PSD: variants seen among roughly 807,000 people sequenced by gnomAD.
PSD encodes the protein pleckstrin and Sec7 domain containing.
A neutral mutation model predicts 91.6 loss-of-function variants in PSD; 32 were observed. The ratio of observed to expected loss-of-function variants is 0.35; its 90% CI spans 0.26 to 0.47. PSD has a LOEUF of 0.47. PSD is among the 20% of genes least tolerant of loss of function. The probability of loss-of-function intolerance (pLI) is 1.00; values close to 1 mark genes in which losing one functional copy is unlikely to be tolerated. For synonymous variants in PSD, 532 were observed against 569.3 expected (o/e 0.93, Z 0.93); for missense variants, 1,099 against 1,373.9 (o/e 0.80, Z 3.16).
chr10:102,416,728 C>T lies in PSD; in HGVS notation c.311G>A (p.Arg104His), dbSNP rs775244441. Residue 104 changes from arginine to histidine, a missense_variant, in exon 2 of 17, where the codon CGC becomes CAC. Arg to His is a conservative substitution (Grantham distance 29). Around this residue, in one of 3 missense-constraint regions of PSD, gnomAD observed 631 missense variants for 728.8 expected, o/e 0.87. Transcript: ENST00000020673. The surrounding 1 kb of genome is among the most constrained non-coding windows in gnomAD (Gnocchi z 6.0). ...CCTCACACTGGCCTTCTCCACAAAGCGGAAGATGACCACAGAGCTCTGGGC... is the reference window on the plus strand; with the variant it reads ...CCTCACACTGGCCTTCTCCACAAAGTGGAAGATGACCACAGAGCTCTGGGC... ...PGAQSSVVIF[R>H]FVEKASVRPL... The T allele has an allele frequency of 1.6e-5, 25 of 1,593,912 alleles. No homozygotes were observed. Among genetic ancestry groups the T allele is most frequent in the African/African-American group, 4.0e-5 (3 of 74,540 alleles).
intron 1 of PSD, among the ~76,000 whole-genome samples, 194 bp from the exon 2 acceptor site, chr10:102,417,315 C>T (rs2061492748): frequency 6.6e-6 from 1 of 152,078 alleles, no homozygotes. Flanking sequence ...CTTATACACC[C>T]AGTGGGCCCC....
chr10:102,408,985 G>T, intron 10 of PSD: 1 of 987,386 alleles, frequency 1.0e-6, no homozygotes, highest in South Asian at 4.7e-5. Context: ...GCGGCCAGCC[G>T]TAGCACAGGG....
chr10:102,404,547 A>G lies in PSD; in HGVS notation c.2700+36T>C, dbSNP rs750565268. ...AGTGGGCCTGAGCCTAACACCCTCC[A>G]TCCCACTGGCACTAGGTGGACAGAG... is the stretch of plus-strand genomic sequence containing the variant. On this transcript the variant is annotated intron_variant, in intron 15 of 16. Transcript: ENST00000020673. This position sits in a 1 kb window ranked among gnomAD's most constrained non-coding sequence, Gnocchi z 5.7. 2 of 1,601,768 alleles carry G rather than the reference A, an allele frequency of 1.2e-6. No individual in the cohort carries two copies. Among genetic ancestry groups the G allele is most frequent in the East Asian group, 2.2e-5 (1 of 44,812 alleles).
Position 102,403,790 on chromosome 10 carries a change from AC to A in PSD, c.2844+51del. 1.9e-6 allele frequency: 3 copies of A among 1,563,042 alleles called. No homozygotes were observed. Among genetic ancestry groups the A allele is most frequent in the Non-Finnish European group, 2.6e-6 (3 of 1,149,724 alleles). ...TCCACTGTTAGAGTTCATGCCCTTCACCCTAGTATGGGCCTGCGTGTGTGGA... is the reference window on the plus strand; with the variant it reads ...TCCACTGTTAGAGTTCATGCCCTTCACCTAGTATGGGCCTGCGTGTGTGGA... On this transcript the variant is annotated intron_variant, in intron 16 of 16. Coordinates refer to ENST00000020673, the MANE Select transcript of PSD (RefSeq NM_002779.5). This position sits in a 1 kb window ranked among gnomAD's most constrained non-coding sequence, Gnocchi z 6.7.
In PSD at chr10:102,415,221, G is replaced by C; in HGVS notation, c.766C>G (p.Pro256Ala). 3 of 1,608,332 alleles carry C rather than the reference G, an allele frequency of 1.9e-6. No individual in the cohort carries two copies. Among genetic ancestry groups the C allele is most frequent in the Non-Finnish European group, 8.5e-7 (1 of 1,177,168 alleles). The change falls in exon 4 of 17, where the codon CCC becomes GCC. Residue 256 changes from proline to alanine, a missense_variant. Around this residue, in one of 3 missense-constraint regions of PSD, gnomAD observed 631 missense variants for 728.8 expected, o/e 0.87. Coordinates refer to ENST00000020673, the MANE Select transcript of PSD (RefSeq NM_002779.5). ...GGAGATGGGGGGGCCTGCTCTGGGG[G>C]CTTAGCACCTGTAGTGTGCATAGGC... The part of the protein sequence containing the change: ...SLDPPSSGAK[P>A]PEQAPPSPPG...
At position 102,404,635 on chromosome 10, in the gene PSD, T is replaced by C; in HGVS notation, c.2648A>G (p.Gln883Arg). The C allele has an allele frequency of 6.2e-7, 1 of 1,612,300 alleles. No homozygotes were observed. Among genetic ancestry groups the C allele is most frequent in the Non-Finnish European group, 8.5e-7 (1 of 1,179,118 alleles). ...CAGGAGAGGGCGGCTGAACTTCTTT[T>C]GGGAGCTAACAGCAGCTGGGAAGGG... ...APPFPAAVSS[Q>R]KKFSRPLLPS... The change falls in exon 15 of 17, where the codon CAA becomes CGA. Residue 883 changes from glutamine (Q) to arginine (R), a missense_variant. Around this residue, in one of 3 missense-constraint regions of PSD, gnomAD observed 358 missense variants for 426.5 expected, o/e 0.84. Coordinates refer to ENST00000020673, the MANE Select transcript of PSD (RefSeq NM_002779.5). This position sits in a 1 kb window ranked among gnomAD's most constrained non-coding sequence, Gnocchi z 5.7.
upstream of PSD, chr10:102,418,974 G>A (rs1335808602): frequency 2.9e-6 from 1 of 343,544 alleles, no homozygotes; most frequent in Non-Finnish European, 5.8e-6. Flanking sequence ...GGAGGAGGGC[G>A]CATGGAACCC....
At chr10:102,418,918 G>T (rs2061521727), upstream of PSD, 1 of 349,502 alleles carries the variant, frequency 2.9e-6, no homozygotes, top group African/African-American at 2.3e-5. Context: ...CTTGTCGCTA[G>T]GTCCCCGCTG....
Position 102,409,405 on chromosome 10 carries a change from C to G in PSD, c.2091+1453G>C. 2.1e-6 allele frequency: 2 copies of G among 964,550 alleles called. No individual in the cohort carries two copies. Among genetic ancestry groups the G allele is most frequent in the Non-Finnish European group, 2.5e-6 (2 of 810,836 alleles). 59.7% of individuals were successfully genotyped at this position (964,550 alleles called of 1,614,324 possible). ...CTCCCCGCGCGGCCACGGGGAGGAG[C>G]CTGGGGAGGCCAGCGTGGGTGGCAG... On this transcript the variant is annotated intron_variant, in intron 10 of 16. Transcript: ENST00000020673. This position sits in a 1 kb window ranked among gnomAD's most constrained non-coding sequence, Gnocchi z 5.7.
intron 5 of PSD, 107 bp downstream of exon 5, chr10:102,413,660 CAG>C: frequency 1.7e-6 from 2 of 1,147,710 alleles, no homozygotes; most frequent in Non-Finnish European, 2.5e-6. Context: ...CACCCCTACT[CAG>C]GGGTCAGGAA....
rs963608152 is a variant in PSD at position 102,414,286 on chromosome 10, G to A, written c.1125-89C>T. 1.3e-5 allele frequency: 16 copies of A among 1,250,994 alleles called. No homozygotes were observed. Among genetic ancestry groups the A allele is most frequent in the Middle Eastern group, 2.5e-4 (1 of 4,042 alleles). 77.5% of individuals were successfully genotyped at this position (1,250,994 alleles called of 1,614,324 possible). On this transcript the variant is annotated intron_variant, in intron 4 of 16. Coordinates refer to ENST00000020673, the MANE Select transcript of PSD (RefSeq NM_002779.5). This position sits in a 1 kb window ranked among gnomAD's most constrained non-coding sequence, Gnocchi z 5.6. ...TGAACTCTCACACTGACTCTGCTAA[G>A]GGGATTATCATCCCCTTTTCACTGG...
Position 102,418,625 on chromosome 10 carries a change from G to A in PSD, c.-84+76C>T, listed in dbSNP as rs1282602473. 9.1e-6 allele frequency: 4 copies of A among 439,738 alleles called. No homozygotes were observed. In the Admixed American group the frequency reaches 9.6e-5, roughly 11 times the overall value. The allele number at this position is 439,738 out of a possible 1,614,324, so 27.2% of individuals were successfully genotyped here. ...GAGGTCAGGAGTAGCAACCCTGCCA[G>A]GCAGGTTCCGGAAGCTCAACGGGGT... On this transcript the variant is annotated intron_variant, in intron 1 of 16. Coordinates refer to ENST00000020673, the MANE Select transcript of PSD (RefSeq NM_002779.5).
rs773754544 is a variant in PSD at position 102,414,026 on chromosome 10, A to C, written c.1296T>G (p.Pro432=). 9 of 1,614,010 alleles carry C rather than the reference A, an allele frequency of 5.6e-6. No homozygotes were observed. The South Asian group carries it at 8.8e-5, about 16-fold the overall frequency. ...SLASLEALAS[P]GPTQSPFFTF... is the part of the protein sequence containing the mutation. ...TGAAGAAGGGGCTCTGGGTTGGGCC[A>C]GGTGAGGCCAAGGCCTCCAGCGAGG... Residue 432 remains proline, a synonymous_variant, in exon 5 of 17, where the codon CCT becomes CCG. Coordinates refer to ENST00000020673, the MANE Select transcript of PSD (RefSeq NM_002779.5). This position sits in a 1 kb window ranked among gnomAD's most constrained non-coding sequence, Gnocchi z 5.6.
In PSD at chr10:102,416,230, T is replaced by A. The variant is rs2061479017; in HGVS notation, c.655-111A>T. ...AACATGCATCGACAGAGATGGAGGT[T>A]CAGAGACACAGAGACAAACACAGAG... On this transcript the variant is annotated intron_variant, in intron 2 of 16. Transcript: ENST00000020673. The surrounding 1 kb of genome is among the most constrained non-coding windows in gnomAD (Gnocchi z 6.0). 5.2e-5 allele frequency: 63 copies of A among 1,210,980 alleles called. No homozygotes were observed. Among genetic ancestry groups the A allele is most frequent in the Non-Finnish European group, 7.0e-5 (60 of 854,074 alleles). 75.0% of individuals were successfully genotyped at this position (1,210,980 alleles called of 1,614,324 possible). A position where few individuals can be genotyped will look rare whatever the true frequency, so the allele number is the denominator to read the frequency against.
intron 8 of PSD, 110 bp downstream of exon 8, chr10:102,411,597 C>T: frequency 1.2e-6 from 1 of 809,282 alleles, no homozygotes; most frequent in Non-Finnish European, 2.1e-6. Flanking sequence ...CACGCATGTA[C>T]ATCCATTCCC....
rs746608802 is a variant in PSD, at chr10:102,404,621, G to A, written c.2662C>T (p.Arg888Cys). The part of the protein sequence containing the change: ...AAVSSQKKFS[R>C]PLLPSAATRL... ...GTGGCAGCGCTGGGCAGGAGAGGGC[G>A]GCTGAACTTCTTTTGGGAGCTAACA... The change falls in exon 15 of 17, where the codon CGC (arginine) becomes TGC (cysteine). Residue 888 changes from arginine (R) to cysteine (C), a missense_variant. Transcript: ENST00000020673. This position sits in a 1 kb window ranked among gnomAD's most constrained non-coding sequence, Gnocchi z 5.7. The A allele has an allele frequency of 1.5e-5, 24 of 1,612,070 alleles. No homozygotes were observed. Among genetic ancestry groups the A allele is most frequent in the East Asian group, 2.2e-5 (1 of 44,882 alleles).
chr10:102,416,477 G>T lies in PSD; in HGVS notation c.562C>A (p.Leu188Ile). ...AGCCCATTGGGGAGAGAGGAGTAAA[G>T]GCCATCTGCTCCAACCTGGGGTGGG... ...PAPPQVGADG[L>I]YSSLPNGLGG... The change falls in exon 2 of 17, where the codon CTT (leucine) becomes ATT (isoleucine). Residue 188 changes from leucine to isoleucine, a missense_variant. Around this residue, in one of 3 missense-constraint regions of PSD, gnomAD observed 631 missense variants for 728.8 expected, o/e 0.87. Transcript: ENST00000020673. This position sits in a 1 kb window ranked among gnomAD's most constrained non-coding sequence, Gnocchi z 6.0. 1 of 1,613,620 alleles carries T rather than the reference G, an allele frequency of 6.2e-7. No individual in the cohort carries two copies. Among genetic ancestry groups the T allele is most frequent in the South Asian group, 1.1e-5 (1 of 91,016 alleles).
chr10:102,418,908 C>G (rs1017460898), upstream of PSD: 1 of 357,006 alleles, frequency 2.8e-6, no homozygotes, highest in Non-Finnish European at 5.7e-6. Context: ...GCCAGCCCCC[C>G]TTGTCGCTAG....
intron 1 of PSD, among the ~76,000 whole-genome samples, chr10:102,417,579 G>A (rs1342510694): frequency 6.6e-6 from 1 of 152,136 alleles, no homozygotes; most frequent in Non-Finnish European, 1.5e-5. Flanking sequence ...GGAAGGAGAG[G>A]GAAGAGGAAC....
Sources: allele counts gnomAD v4.1 joint callset (sites outside exome capture counted in the v4.1 genomes callset), GRCh38; gene constraint gnomAD v4.1.1; regional missense constraint gnomAD v4.1.1; non-coding constraint Gnocchi (gnomAD v3.1); transcripts MANE v1.5; gene names NCBI Gene and HGNC (gene_info 2026-07-23, HGNC 2026-07-21).